The following CADM2 variants were observed in gnomAD, a reference collection of about 807,000 sequenced individuals.
The protein encoded by CADM2 is cell adhesion molecule 2.
CADM2 carries 12 observed loss-of-function variants against 49.8 expected under a neutral mutation model. That is an observed-to-expected ratio of 0.24 (90% CI 0.15 to 0.39). The LOEUF is 0.39. Ranked by LOEUF, CADM2 falls within the 10% of genes least tolerant of loss-of-function variation. The pLI is 1.00. For synonymous variants in CADM2, 214 were observed against 175.4 expected, an observed-to-expected ratio of 1.22 and a Z score of -1.74; for missense variants, 378 against 492.3, an observed-to-expected ratio of 0.77 and a Z score of 2.20.
intron 8 of CADM2, among the ~76,000 whole-genome samples, chr3:85,980,396 A>G (rs1277754736): frequency 6.6e-6 from 1 of 151,566 alleles, no homozygotes; most frequent in Admixed American, 6.6e-5. Flanking sequence ...TCTTTGTTTC[A>G]GAAAAAATTC....
chr3:85,369,946 A>G (rs959276809), intron 1 of CADM2, among the ~76,000 whole-genome samples: 3 of 152,012 alleles, frequency 2.0e-5, no homozygotes, highest in Non-Finnish European at 2.9e-5. Context: ...TATACACTTC[A>G]TGAATGGAAA....
chr3:85,018,750 C>T (rs746516273), intron 1 of CADM2, among the ~76,000 whole-genome samples: 2 of 151,970 alleles, frequency 1.3e-5, no homozygotes, highest in Non-Finnish European at 2.9e-5. Flanking sequence ...GAACAATGAA[C>T]AAATTACTTT....
At chr3:85,731,530 T>G (rs1173259661) in intron 2 of CADM2, among the ~76,000 whole-genome samples, 1 of 152,124 alleles carries the variant, frequency 6.6e-6, no homozygotes, top group Non-Finnish European at 1.5e-5. Flanking sequence ...ACAATTTAAA[T>G]TATATCTGTG....
At chr3:85,799,640 A>T (rs1199955061) in intron 2 of CADM2, among the ~76,000 whole-genome samples, 1 of 152,186 alleles carries the variant, frequency 6.6e-6, no homozygotes, top group Non-Finnish European at 1.5e-5. Context: ...GTGGTGGATA[A>T]GGTTTTTAAT....
chr3:85,792,494 C>T (rs2071394080), intron 2 of CADM2, among the ~76,000 whole-genome samples: 1 of 152,168 alleles, frequency 6.6e-6, no homozygotes, highest in Non-Finnish European at 1.5e-5. Flanking sequence ...TTAAATAGCT[C>T]ACAAAATTTG....
At chr3:85,556,487 T>G (rs758518858) in intron 1 of CADM2, among the ~76,000 whole-genome samples, 13 of 152,142 alleles carry the variant, frequency 8.5e-5, no homozygotes, top group Non-Finnish European at 1.8e-4. Flanking sequence ...TGTTCATAGT[T>G]TACCTTAGAT....
intron 8 of CADM2, among the ~76,000 whole-genome samples, chr3:86,060,330 C>T (rs1236769424): frequency 1.3e-5 from 2 of 151,998 alleles, no homozygotes; most frequent in Non-Finnish European, 2.9e-5. Context: ...GAAACCTTTC[C>T]CTAATAGTGA....
chr3:85,991,227 A>G (rs1234958745), intron 8 of CADM2, among the ~76,000 whole-genome samples: 1 of 152,186 alleles, frequency 6.6e-6, no homozygotes, highest in Non-Finnish European at 1.5e-5. Flanking sequence ...AACCTACTGT[A>G]TAATCACTTG....
intron 1 of CADM2, among the ~76,000 whole-genome samples, chr3:85,394,650 A>G (rs2034682531): frequency 6.6e-6 from 1 of 152,160 alleles, no homozygotes; most frequent in African/African-American, 2.4e-5. Context: ...ACCGTGGCTT[A>G]TTTTATAGCC....
chr3:85,129,915 T>G (rs903625084), intron 1 of CADM2, among the ~76,000 whole-genome samples: 1 of 152,136 alleles, frequency 6.6e-6, no homozygotes, highest in East Asian at 1.9e-4. Flanking sequence ...ACTAGGAGAT[T>G]TATGGGGAAA....
At chr3:84,971,536 A>C (rs1037624506) in intron 1 of CADM2, among the ~76,000 whole-genome samples, 6 of 152,250 alleles carry the variant, frequency 3.9e-5, no homozygotes, top group Non-Finnish European at 8.8e-5. Flanking sequence ...CAATGCTATA[A>C]TAAAAGTATT....
intron 2 of CADM2, among the ~76,000 whole-genome samples, chr3:85,793,445 T>C (rs1003625123): frequency 2.0e-5 from 3 of 152,140 alleles, no homozygotes; most frequent in African/African-American, 7.2e-5. Context: ...GGGAAAAAGC[T>C]AAAAATACGC....
intron 5 of CADM2, among the ~76,000 whole-genome samples, chr3:85,887,088 A>T: frequency 6.6e-6 from 1 of 152,206 alleles, no homozygotes; most frequent in South Asian, 2.1e-4. Flanking sequence ...TTATCTATTT[A>T]TTTTTAAGAG....
At chr3:85,502,706 C>A (rs776478325) in intron 1 of CADM2, among the ~76,000 whole-genome samples, 2 of 152,062 alleles carry the variant, frequency 1.3e-5, no homozygotes, top group Non-Finnish European at 2.9e-5. Context: ...GCTCGCATGA[C>A]AAATGTACTT....
chr3:85,893,856 A>G lies in CADM2; in HGVS notation c.529+7529A>G, dbSNP rs539807280. ...AAAAAGTCAGGAAACAACAGGTGCT[A>G]GAGAGGATGTGGAGAAATAGGAACA... On this transcript the variant is annotated intron_variant, in intron 5 of 9. Coordinates refer to ENST00000383699, the MANE Select transcript of CADM2 (RefSeq NM_001167675.2). 1.3e-3 allele frequency among the ~76,000 whole-genome samples: 199 copies of G among 152,216 alleles called. 2 individuals carry two copies. The South Asian group carries it at 0.024, about 18-fold the overall frequency.
chr3:85,230,131 A>G (rs1358259960), intron 1 of CADM2, among the ~76,000 whole-genome samples: 1 of 152,170 alleles, frequency 6.6e-6, no homozygotes, highest in East Asian at 1.9e-4. Context: ...TGCTCTGATA[A>G]ATGGCATATT....
chr3:85,498,902 A>G (rs983187480), intron 1 of CADM2, among the ~76,000 whole-genome samples: 4 of 152,158 alleles, frequency 2.6e-5, no homozygotes, highest in African/African-American at 9.7e-5. Context: ...GGTCAACTTC[A>G]TGACTTTATT....
intron 8 of CADM2, among the ~76,000 whole-genome samples, chr3:85,995,029 A>AAAAAAC (rs1729208470): frequency 6.6e-6 from 1 of 151,182 alleles, no homozygotes; most frequent in African/African-American, 2.4e-5. Flanking sequence ...AAAAAAAAAA[A>AAAAAAC]AAAAATCATT....
At chr3:84,991,691 G>T (rs560083356) in intron 1 of CADM2, among the ~76,000 whole-genome samples, 4 of 152,160 alleles carry the variant, frequency 2.6e-5, no homozygotes, top group Non-Finnish European at 4.4e-5. Flanking sequence ...ACAAAGAAAC[G>T]TGCACATGGA....
Sources: gnomAD v4.1 joint callset for allele counts (sites outside exome capture counted in the v4.1 genomes callset) on GRCh38, gnomAD v4.1.1 for gene constraint, MANE v1.5 for transcripts, NCBI Gene and HGNC (gene_info 2026-07-23, HGNC 2026-07-21) for gene names.